ACTR3C: variants seen among roughly 807,000 people sequenced by gnomAD.
ACTR3C encodes actin related protein 3C.
Under a neutral mutation model 26.3 loss-of-function variants are expected in ACTR3C, and 18 were observed. The ratio of observed to expected loss-of-function variants is 0.68; its 90% CI spans 0.47 to 1.01. ACTR3C has a LOEUF of 1.01. Among genes scored for constraint, ACTR3C ranks in the 50% least tolerant of loss-of-function variants. The pLI is 0.00. For missense variants in ACTR3C, 184 were observed against 250.7 expected (o/e 0.73, Z 1.80); for synonymous variants, 55 against 94.5 (o/e 0.58, Z 2.42).
the ACTR3C span, among the ~76,000 whole-genome samples, chr7:149,938,023 G>GCCT: frequency 1.3e-5 from 2 of 152,164 alleles, no homozygotes; most frequent in Non-Finnish European, 2.9e-5. Flanking sequence ...ACCCTTCCCA[G>GCCT]CCTCCTCCTC....
the ACTR3C span, among the ~76,000 whole-genome samples, chr7:149,976,268 G>C: frequency 5.2e-3 from 792 of 152,148 alleles, 13 homozygotes; most frequent in African/African-American, 0.018. Flanking sequence ...CATTAAGGAA[G>C]ACCCCTTTGA....
the ACTR3C span, among the ~76,000 whole-genome samples, chr7:150,225,804 T>C: frequency 2.6e-5 from 4 of 152,360 alleles, no homozygotes; most frequent in East Asian, 1.9e-4. Flanking sequence ...CAGTGTAATG[T>C]ATCCACATTG....
the ACTR3C span, among the ~76,000 whole-genome samples, chr7:150,115,113 T>C: frequency 1.3e-5 from 2 of 152,234 alleles, no homozygotes; most frequent in Admixed American, 1.3e-4. Context: ...TTTCTCTCTG[T>C]TATTCTGCTC....
the ACTR3C span, among the ~76,000 whole-genome samples, chr7:149,907,466 G>C: frequency 2.1e-5 from 1 of 47,810 alleles, no homozygotes; most frequent in Non-Finnish European, 4.2e-5. Context: ...GGCCTCTCTT[G>C]CCTCTCTTCT....
At chr7:150,159,019 C>T in the ACTR3C span, among the ~76,000 whole-genome samples, 1 of 103,228 alleles carries the variant, frequency 9.7e-6, no homozygotes, top group Non-Finnish European at 1.8e-5. Flanking sequence ...TCAGCACACA[C>T]ACTCAGGCAC....
chr7:150,209,251 A>G, the ACTR3C span, among the ~76,000 whole-genome samples: 1 of 147,034 alleles, frequency 6.8e-6, no homozygotes, highest in Non-Finnish European at 1.5e-5. Context: ...AGAGAGACAG[A>G]GAGAGAGACA....
At chr7:150,078,658 G>A in the ACTR3C span, among the ~76,000 whole-genome samples, 4 of 152,088 alleles carry the variant, frequency 2.6e-5, no homozygotes, top group Admixed American at 1.3e-4. Context: ...CTGAGATAGC[G>A]AATTCTGGAT....
the ACTR3C span, among the ~76,000 whole-genome samples, chr7:150,205,127 CT>C: frequency 6.6e-6 from 1 of 152,134 alleles, no homozygotes; most frequent in South Asian, 2.1e-4. Context: ...GCTATGTTAT[CT>C]TCAAAAATCA....
the ACTR3C span, among the ~76,000 whole-genome samples, chr7:150,222,583 A>G: frequency 6.6e-6 from 1 of 152,106 alleles, no homozygotes; most frequent in African/African-American, 2.4e-5. Flanking sequence ...TCCTTCTCCC[A>G]CTTTGACTGT....
At chr7:150,237,160 G>A in the ACTR3C span, among the ~76,000 whole-genome samples, 1 of 152,128 alleles carries the variant, frequency 6.6e-6, no homozygotes, top group Admixed American at 6.5e-5. Context: ...GCTGGAGGAA[G>A]AACTGCGGAG....
At chr7:150,228,633 A>C in the ACTR3C span, among the ~76,000 whole-genome samples, 3 of 152,074 alleles carry the variant, frequency 2.0e-5, no homozygotes, top group East Asian at 5.8e-4. Flanking sequence ...TGGCCTCTAG[A>C]AGTTGGCAAA....
the ACTR3C span, among the ~76,000 whole-genome samples, chr7:150,011,247 G>A: frequency 3.9e-5 from 6 of 152,052 alleles, no homozygotes; most frequent in Non-Finnish European, 7.4e-5. Flanking sequence ...ACAATGCAAT[G>A]TTTTCTTAAC....
At chr7:150,036,064 CGCGTCGCGAGGG>C in the ACTR3C span, among the ~76,000 whole-genome samples, 1 of 99,646 alleles carries the variant, frequency 1.0e-5, no homozygotes. Context: ...TCTCAGTCCC[CGCGTCGCGAGGG>C]GTGCTCCCCC....
At chr7:150,214,994 T>C in the ACTR3C span, among the ~76,000 whole-genome samples, 1 of 147,570 alleles carries the variant, frequency 6.8e-6, no homozygotes, top group Admixed American at 6.6e-5. Context: ...TAGGTGGGAT[T>C]CATGAGTAGT....
the ACTR3C span, among the ~76,000 whole-genome samples, chr7:149,919,139 AT>A: frequency 1.4e-5 from 2 of 143,658 alleles, no homozygotes; most frequent in Non-Finnish European, 1.5e-5. Flanking sequence ...AACCAAAAAA[AT>A]AATAATTAAA....
At chr7:150,031,589 A>T in the ACTR3C span, among the ~76,000 whole-genome samples, 1 of 152,174 alleles carries the variant, frequency 6.6e-6, no homozygotes, top group African/African-American at 2.4e-5. Flanking sequence ...ATGTCGGTGG[A>T]ACACAGGACT....
the ACTR3C span, among the ~76,000 whole-genome samples, chr7:150,135,189 G>A: frequency 2.6e-5 from 4 of 152,328 alleles, no homozygotes; most frequent in East Asian, 5.8e-4. Flanking sequence ...GGAGAATGGC[G>A]TGAACCCAGG....
At chr7:150,165,939 G>T in the ACTR3C span, among the ~76,000 whole-genome samples, 9 of 151,774 alleles carry the variant, frequency 5.9e-5, no homozygotes, top group Non-Finnish European at 1.2e-4. Flanking sequence ...TTCCAAAATT[G>T]ACTTCCTTGA....
At chr7:150,299,804 C>T (rs13307096) in intron 1 of ACTR3C, among the ~76,000 whole-genome samples, 49 of 151,626 alleles carry the variant, frequency 3.2e-4, no homozygotes, top group African/African-American at 1.1e-3. Flanking sequence ...AAAACAAGGT[C>T]GGGGGAGAGG....
Sources: gnomAD v4.1 joint callset for allele counts (sites outside exome capture counted in the v4.1 genomes callset) on GRCh38, gnomAD v4.1.1 for gene constraint, MANE v1.5 for transcripts, NCBI Gene and HGNC (gene_info 2026-07-23, HGNC 2026-07-21) for gene names.